GRK1: variants seen among roughly 807,000 people sequenced by gnomAD.
The protein encoded by GRK1 is rhodopsin kinase GRK1.
GRK1 carries 28 observed loss-of-function variants against 41.7 expected under a neutral mutation model. The observed-to-expected ratio is 0.67, with a 90% CI of 0.50 to 0.92. GRK1 has a LOEUF of 0.92. Ranked by LOEUF, GRK1 falls within the 40% of genes least tolerant of loss-of-function variation. GRK1 has a pLI of 0.00. For missense variants in GRK1, 703 were observed against 671.2 expected (o/e 1.05, Z -0.52); for synonymous variants, 327 against 286.7 (o/e 1.14, Z -1.42).
chr13:113,657,437 T>C, the GRK1 span, among the ~76,000 whole-genome samples: 2 of 152,226 alleles, frequency 1.3e-5, no homozygotes, highest in African/African-American at 2.4e-5. Context: ...CTGTGTGGCC[T>C]TGGAGGCCCA....
At chr13:113,733,651 ACGTGTGTGTG>A (rs1262672621) in intron 6 of GRK1, among the ~76,000 whole-genome samples, 1 of 91,670 alleles carries the variant, frequency 1.1e-5, no homozygotes, top group African/African-American at 4.4e-5. Context: ...ATGTGTGCAT[ACGTGTGTGTG>A]CGTGTGTGCA....
chr13:113,731,104 G>A lies in GRK1; in HGVS notation c.1070-115G>A. 3 of 1,404,382 alleles carry A rather than the reference G, an allele frequency of 2.1e-6. No individual in the cohort carries two copies. Among genetic ancestry groups the A allele is most frequent in the South Asian group, 1.4e-5 (1 of 69,272 alleles). The allele number at this position is 1,404,382 out of a possible 1,614,324, so 87.0% of individuals were successfully genotyped here. A position where few individuals can be genotyped will look rare whatever the true frequency, so the allele number is the denominator to read the frequency against. On this transcript the variant is annotated intron_variant, in intron 4 of 6. Transcript: ENST00000335678. This position sits in a 1 kb window ranked among gnomAD's most constrained non-coding sequence, Gnocchi z 5.6. ...AGGATTTTCTGGCCCCAAATGTGGA[G>A]AGTGCTGAGGCCCCGGGGGGGATGC...
At chr13:113,733,899 A>ACG (rs2049973969) in intron 6 of GRK1, among the ~76,000 whole-genome samples, 1 of 45,164 alleles carries the variant, frequency 2.2e-5, no homozygotes, top group Non-Finnish European at 4.8e-5. Flanking sequence ...GCGTGTGTGT[A>ACG]TGTGTGCATA....
the GRK1 span, chr13:113,652,951 C>G: frequency 2.6e-5 from 42 of 1,614,206 alleles, no homozygotes; most frequent in Non-Finnish European, 3.6e-5. Flanking sequence ...AGCAGTTCTG[C>G]AGCATATCTG....
In GRK1 at chr13:113,671,740, C is replaced by A; in HGVS notation, c.985+84C>A. 1.4e-6 allele frequency: 1 copy of A among 693,682 alleles called. No individual in the cohort carries two copies. The highest frequency in any genetic ancestry group is 2.6e-6 in the Non-Finnish European group (1 of 380,014). 43.0% of individuals were successfully genotyped at this position (693,682 alleles called of 1,614,324 possible). A position where few individuals can be genotyped will look rare whatever the true frequency, so the allele number is the denominator to read the frequency against. ...CCTTGGGGGTCTCTGCACAACCTCA[C>A]GAGGGCTGACGGCTGTGTGGACGGT... On this transcript the variant is annotated intron_variant, in intron 3 of 6. Transcript: ENST00000335678. This position sits in a 1 kb window ranked among gnomAD's most constrained non-coding sequence, Gnocchi z 4.1.
chr13:113,727,903 A>G (rs139948081), intron 4 of GRK1, among the ~76,000 whole-genome samples: 2,073 of 35,232 alleles, frequency 0.059, 156 homozygotes, highest in African/African-American at 0.16. Flanking sequence ...TACCCATGGC[A>G]ATGAGGAGTA....
At chr13:113,726,821 G>A (rs965104846) in intron 4 of GRK1, among the ~76,000 whole-genome samples, 2 of 152,224 alleles carry the variant, frequency 1.3e-5, no homozygotes, top group Non-Finnish European at 2.9e-5. Flanking sequence ...TCTGACGTCC[G>A]TGTAATCCTG....
the GRK1 span, among the ~76,000 whole-genome samples, chr13:113,654,256 G>A: frequency 6.6e-6 from 1 of 152,234 alleles, no homozygotes; most frequent in Non-Finnish European, 1.5e-5. Flanking sequence ...CTTCAGCAGG[G>A]TCTGAGGGAA....
the GRK1 span, chr13:113,649,360 C>T: frequency 1.9e-6 from 3 of 1,586,942 alleles, no homozygotes; most frequent in South Asian, 3.4e-5. This position sits in a 1 kb window ranked among gnomAD's most constrained non-coding sequence, Gnocchi z 4.7. Flanking sequence ...CCCAGGACCC[C>T]TGCGCAAACC....
intron 4 of GRK1, among the ~76,000 whole-genome samples, chr13:113,730,570 C>T (rs970728332): frequency 4.6e-5 from 7 of 150,546 alleles, no homozygotes; most frequent in African/African-American, 1.7e-4. Flanking sequence ...CCAGAGCCCT[C>T]CCTCCATCCT....
Position 113,735,310 on chromosome 13 carries a change from A to G in GRK1, c.1639A>G (p.Ile547Val). ...DGQMPDDMKG[I>V]SGGSSSSSKS... ...TCAGATGCCGGACGACATGAAGGGCATCTCCGGGGGCTCCAGCTCCTCGTC... is the reference window on the plus strand; with the variant it reads ...TCAGATGCCGGACGACATGAAGGGCGTCTCCGGGGGCTCCAGCTCCTCGTC... The change falls in exon 7 of 7, where the codon ATC (isoleucine) becomes GTC (valine). Residue 547 changes from isoleucine to valine, a missense_variant. Coordinates refer to ENST00000335678, the MANE Select transcript of GRK1 (RefSeq NM_002929.3). The G allele has an allele frequency of 6.5e-7, 1 of 1,531,834 alleles. No homozygotes were observed. The highest frequency in any genetic ancestry group is 8.7e-7 in the Non-Finnish European group (1 of 1,143,022). The allele number at this position is 1,531,834 out of a possible 1,614,324, so 94.9% of individuals were successfully genotyped here.
chr13:113,656,918 C>T, the GRK1 span, among the ~76,000 whole-genome samples: 100 of 152,278 alleles, frequency 6.6e-4, no homozygotes, highest in African/African-American at 2.4e-3. Flanking sequence ...AGCTCCTTCC[C>T]CATCCTGGCC....
At chr13:113,666,852 G>A (rs771615760), upstream of GRK1, among the ~76,000 whole-genome samples, 1 of 152,178 alleles carries the variant, frequency 6.6e-6, no homozygotes, top group Non-Finnish European at 1.5e-5. Flanking sequence ...TAAAAATAGG[G>A]AAAAACAGCC....
the GRK1 span, chr13:113,653,162 G>C: frequency 1.8e-5 from 26 of 1,482,888 alleles, no homozygotes; most frequent in Non-Finnish European, 2.4e-5. Context: ...CTGAGTGCGA[G>C]TTTCTCATGA....
At chr13:113,653,760 T>C in the GRK1 span, among the ~76,000 whole-genome samples, 1 of 152,168 alleles carries the variant, frequency 6.6e-6, no homozygotes, top group African/African-American at 2.4e-5. Flanking sequence ...CTATGTAAAA[T>C]TGCATTTGAA....
chr13:113,653,274 C>G, the GRK1 span: 6 of 1,581,876 alleles, frequency 3.8e-6, no homozygotes, highest in South Asian at 4.5e-5. Context: ...CGCTTCACAC[C>G]TCACCCACCC....
intron 6 of GRK1, among the ~76,000 whole-genome samples, chr13:113,733,380 GGA>G (rs1014526101): frequency 6.6e-6 from 1 of 152,258 alleles, no homozygotes; most frequent in Non-Finnish European, 1.5e-5. Context: ...GGTGCTGGAG[GGA>G]GCCCAAGATC....
At chr13:113,723,783 C>T (rs2049871656) in intron 4 of GRK1, among the ~76,000 whole-genome samples, 1 of 151,138 alleles carries the variant, frequency 6.6e-6, no homozygotes, top group South Asian at 2.1e-4. Context: ...TGTGCACACA[C>T]GTGTGTCTGT....
At chr13:113,728,194 C>T (rs1434297296) in intron 4 of GRK1, among the ~76,000 whole-genome samples, 20 of 108,780 alleles carry the variant, frequency 1.8e-4, no homozygotes, top group Middle Eastern at 6.8e-3. Flanking sequence ...GTACCCATGG[C>T]GATGAGGAGT....
Sources: allele counts gnomAD v4.1 joint callset (sites outside exome capture counted in the v4.1 genomes callset), GRCh38; gene constraint gnomAD v4.1.1; non-coding constraint Gnocchi (gnomAD v3.1); transcripts MANE v1.5; gene names NCBI Gene and HGNC (gene_info 2026-07-23, HGNC 2026-07-21).